ANKRD27: variants seen among roughly 807,000 people sequenced by gnomAD.
ANKRD27 encodes the protein ankyrin repeat domain 27, also known as ankyrin repeat domain-containing protein 27.
ANKRD27 carries 112 observed loss-of-function variants against 129.7 expected under a neutral mutation model. The ratio of observed to expected loss-of-function variants is 0.86; its 90% CI spans 0.74 to 1.01. The LOEUF (loss-of-function observed/expected upper bound fraction) is 1.01. ANKRD27 is among the 50% of genes least tolerant of loss of function. The pLI is 0.00. For missense variants in ANKRD27, 1,258 were observed against 1,300.5 expected, an observed-to-expected ratio of 0.97 and a Z score of 0.50; for synonymous variants, 516 against 511.2, an observed-to-expected ratio of 1.01 and a Z score of -0.13.
chr19:32,662,484 C>T (rs1355918576), intron 1 of ANKRD27, among the ~76,000 whole-genome samples: 23 of 152,096 alleles, frequency 1.5e-4, no homozygotes. Flanking sequence ...CTCCTGTAAT[C>T]CCAGCACCTT....
At chr19:32,610,357 T>C (rs1971816577) in intron 22 of ANKRD27, among the ~76,000 whole-genome samples, 1 of 151,288 alleles carries the variant, frequency 6.6e-6, no homozygotes. Flanking sequence ...TGGTGGTACG[T>C]GCCTGTAGTT....
At chr19:32,673,801 C>T (rs1464455868) in intron 1 of ANKRD27, among the ~76,000 whole-genome samples, 3 of 152,048 alleles carry the variant, frequency 2.0e-5, no homozygotes, top group African/African-American at 7.2e-5. Flanking sequence ...TACACCGGAC[C>T]CTTAGGCCAC....
intron 1 of ANKRD27, among the ~76,000 whole-genome samples, chr19:32,664,826 A>C (rs1193540852): frequency 7.0e-6 from 1 of 142,644 alleles, no homozygotes; most frequent in Non-Finnish European, 1.5e-5. Flanking sequence ...AGGATGAGGC[A>C]GGAGAATCGC....
At chr19:32,636,895 C>A (rs1223877019) in intron 12 of ANKRD27, among the ~76,000 whole-genome samples, 3 of 151,900 alleles carry the variant, frequency 2.0e-5, no homozygotes, top group African/African-American at 7.3e-5. Flanking sequence ...TTACAGGCAC[C>A]TGCCACCACA....
chr19:32,668,314 A>T (rs1967799230), intron 1 of ANKRD27, among the ~76,000 whole-genome samples: 1 of 151,994 alleles, frequency 6.6e-6, no homozygotes, highest in Non-Finnish European at 1.5e-5. Flanking sequence ...CACCTGGCCA[A>T]GCCTAAATTT....
chr19:32,638,935 T>C (rs1005913648), intron 12 of ANKRD27: 1 of 277,432 alleles, frequency 3.6e-6, no homozygotes, highest in Non-Finnish European at 6.7e-6. Flanking sequence ...GAGCGTGAAA[T>C]GAGCCCAGCA....
At position 32,615,861 on chromosome 19, in the gene ANKRD27, C is replaced by G; in HGVS notation, c.2053-81G>C. On this transcript the variant is annotated intron_variant, in intron 21 of 28. Coordinates refer to ENST00000306065, the MANE Select transcript of ANKRD27 (RefSeq NM_032139.3). ...AATATCTTAAACACACACCATCAAC[C>G]GTTCCCAATCAGGGCCCACGCTTCC... is the stretch of plus-strand genomic sequence containing the variant. 1.9e-6 allele frequency: 3 copies of G among 1,538,666 alleles called. No individual in the cohort carries two copies. In the East Asian group the frequency reaches 6.8e-5, roughly 35 times the overall value.
At chr19:32,674,443 C>A (rs939271397) in intron 1 of ANKRD27, among the ~76,000 whole-genome samples, 3 of 152,182 alleles carry the variant, frequency 2.0e-5, no homozygotes, top group Non-Finnish European at 4.4e-5. Flanking sequence ...GCCAAGGGGG[C>A]ACCGCGTGGC....
intron 3 of ANKRD27, among the ~76,000 whole-genome samples, chr19:32,648,518 A>G (rs1967345701): frequency 6.6e-6 from 1 of 152,224 alleles, no homozygotes; most frequent in South Asian, 2.1e-4. Flanking sequence ...CAAAAGATTC[A>G]GGCCAGGCGC....
At position 32,642,041 on chromosome 19, in the gene ANKRD27, T is replaced by C. The variant is rs765370114; in HGVS notation, c.887A>G (p.Gln296Arg). 45 of 1,602,916 alleles carry C rather than the reference T, an allele frequency of 2.8e-5. No homozygotes were observed. Among genetic ancestry groups the C allele is most frequent in the Middle Eastern group, 1.7e-4 (1 of 5,972 alleles). ...GCACAAACCTCTCTGGCTTGGAGAC[T>C]GTGTAATGAGCTGCACCACTTTTCG... Reference protein sequence around the residue: ...CLRKVVQLITQSPSQRVNLET... With the variant: ...CLRKVVQLITRSPSQRVNLET... Residue 296 changes from glutamine (Q) to arginine (R), a missense_variant, in exon 10 of 29, where the codon CAG becomes CGG. Coordinates refer to ENST00000306065, the MANE Select transcript of ANKRD27 (RefSeq NM_032139.3).
At chr19:32,641,764 C>CTTTTTTTTTTTTTTTTTTTTTTTTTTTTT (rs35422369) in intron 10 of ANKRD27, among the ~76,000 whole-genome samples, 1 of 79,726 alleles carries the variant, frequency 1.3e-5, no homozygotes. Context: ...TCTTTTACTT[C>CTTTTTTTTTTTTTTTTTTTTTTTTTTTTT]TTCTTTTTTT....
intron 4 of ANKRD27, among the ~76,000 whole-genome samples, chr19:32,645,779 C>G (rs1051694989): frequency 1.3e-5 from 2 of 151,838 alleles, no homozygotes; most frequent in South Asian, 4.2e-4. Flanking sequence ...ATTACAGGCA[C>G]GCACCACTGC....
At chr19:32,653,887 A>C (rs1285140053) in intron 2 of ANKRD27, among the ~76,000 whole-genome samples, 4 of 152,104 alleles carry the variant, frequency 2.6e-5, no homozygotes, top group Non-Finnish European at 4.4e-5. Context: ...TGCGGGAGAC[A>C]CATGGTTTTT....
At chr19:32,626,120 G>A (rs1209953757) in intron 16 of ANKRD27, among the ~76,000 whole-genome samples, 154 bp from the exon 17 acceptor site, 3 of 152,144 alleles carry the variant, frequency 2.0e-5, no homozygotes, top group Non-Finnish European at 4.4e-5. Flanking sequence ...CCTGACACTT[G>A]AGAGACTGAA....
chr19:32,650,750 A>ATTTT lies in ANKRD27; in HGVS notation c.103-959_103-958insAAAA, dbSNP rs144322999. 1.1e-4 allele frequency among the ~76,000 whole-genome samples: 14 copies of ATTTT among 125,276 alleles called. 1 individual carries two copies. The highest frequency in any genetic ancestry group is 2.4e-4 in the South Asian group (1 of 4,120). 82.2% of individuals were successfully genotyped at this position (125,276 alleles called of 152,430 possible). A position where few individuals can be genotyped will look rare whatever the true frequency, so the allele number is the denominator to read the frequency against. On this transcript the variant is annotated intron_variant, in intron 2 of 28. Coordinates refer to ENST00000306065, the MANE Select transcript of ANKRD27 (RefSeq NM_032139.3). ...CTTCTATTCTTTTCTTTACGCTTTT[A>ATTTT]TTTATTTTTTTTTTTTGGAGACAGT...
At chr19:32,601,437 T>C (rs752931400) in intron 26 of ANKRD27, among the ~76,000 whole-genome samples, 1 of 151,606 alleles carries the variant, frequency 6.6e-6, no homozygotes, top group Non-Finnish European at 1.5e-5. Flanking sequence ...CTACTAAAAA[T>C]ACAAAAACAA....
At chr19:32,662,410 G>A (rs1186229107) in intron 1 of ANKRD27, among the ~76,000 whole-genome samples, 3 of 149,684 alleles carry the variant, frequency 2.0e-5, no homozygotes, top group East Asian at 2.0e-4. Context: ...AGGCAGAATC[G>A]ATGCTGTACA....
At chr19:32,668,484 T>C (rs1367160845) in intron 1 of ANKRD27, among the ~76,000 whole-genome samples, 12 of 151,626 alleles carry the variant, frequency 7.9e-5, no homozygotes, top group Non-Finnish European at 1.2e-4. Flanking sequence ...TCTTTTTTTT[T>C]TTTTTTTGAG....
At chr19:32,671,868 G>A (rs187462566) in intron 1 of ANKRD27, among the ~76,000 whole-genome samples, 1 of 152,332 alleles carries the variant, frequency 6.6e-6, no homozygotes, top group Admixed American at 6.5e-5. Context: ...ATCCAGTTGA[G>A]TTAGCTGGAG....
Sources: gnomAD v4.1 joint callset for allele counts (sites outside exome capture counted in the v4.1 genomes callset) on GRCh38, gnomAD v4.1.1 for gene constraint, MANE v1.5 for transcripts, NCBI Gene and HGNC (gene_info 2026-07-23, HGNC 2026-07-21) for gene names.